NAV2: variants seen among roughly 807,000 people sequenced by gnomAD.
NAV2 encodes neuron navigator 2, also known as helicase, APC down-regulated 1.
Under a neutral mutation model 223.2 loss-of-function variants are expected in NAV2, and 54 were observed. The ratio of observed to expected loss-of-function variants is 0.24; its 90% CI spans 0.19 to 0.30. NAV2 has a LOEUF of 0.30. Among genes scored for constraint, NAV2 ranks in the 10% least tolerant of loss-of-function variants. The probability of loss-of-function intolerance (pLI) is 1.00; values close to 1 mark genes in which losing one functional copy is unlikely to be tolerated. For synonymous variants in NAV2, 1,279 were observed against 1,239.3 expected (o/e 1.03, Z -0.67); for missense variants, 2,806 against 3,147.5 (o/e 0.89, Z 2.60).
intron 1 of NAV2, among the ~76,000 whole-genome samples, chr11:19,794,196 G>A (rs775423147): frequency 6.6e-6 from 1 of 152,178 alleles, no homozygotes; most frequent in Non-Finnish European, 1.5e-5. Context: ...CAAATGACTT[G>A]AGCAGGGTCC....
At chr11:19,594,365 G>A (rs763174281) in intron 1 of NAV2, among the ~76,000 whole-genome samples, 28 of 151,606 alleles carry the variant, frequency 1.8e-4, no homozygotes, top group Non-Finnish European at 2.9e-4. Flanking sequence ...CTTTTCAACC[G>A]CATCCTACCT....
intron 1 of NAV2, among the ~76,000 whole-genome samples, chr11:19,492,268 C>T (rs1298987174): frequency 6.6e-6 from 1 of 151,846 alleles, no homozygotes; most frequent in African/African-American, 2.4e-5. Context: ...TTGCCACAAC[C>T]TTTCAATTTG....
At chr11:19,487,928 C>A (rs1407875319) in intron 1 of NAV2, among the ~76,000 whole-genome samples, 1 of 152,160 alleles carries the variant, frequency 6.6e-6, no homozygotes, top group Non-Finnish European at 1.5e-5. Context: ...GTTGTTGCTC[C>A]AAGCCACAAA....
At chr11:19,812,874 A>G (rs1467295874) in intron 1 of NAV2, among the ~76,000 whole-genome samples, 3 of 152,222 alleles carry the variant, frequency 2.0e-5, no homozygotes, top group African/African-American at 7.2e-5. Flanking sequence ...AATTCAGTCC[A>G]GCAAGCAACT....
chr11:19,825,840 A>G (rs2152872756), intron 1 of NAV2, among the ~76,000 whole-genome samples: 1 of 152,378 alleles, frequency 6.6e-6, no homozygotes, highest in East Asian at 1.9e-4. Context: ...ATGTGGAGTT[A>G]TAAGCAAACA....
chr11:20,093,252 C>T (rs902317769), intron 29 of NAV2, 53 bp downstream of exon 29: 20 of 1,193,788 alleles, frequency 1.7e-5, no homozygotes, highest in South Asian at 1.1e-4. Context: ...GGTAGAACTA[C>T]CTAGCTTAGT....
Position 19,621,395 on chromosome 11 carries a change from T to C in NAV2, c.76-211089T>C, listed in dbSNP as rs539597764. Among the ~76,000 whole-genome samples, 5 of 152,314 alleles carry C rather than the reference T, an allele frequency of 3.3e-5. No homozygotes were observed. In the South Asian group the frequency reaches 1.0e-3, roughly 32 times the overall value. Reference sequence around the variant, plus strand: ...GAATCCGTCTGGTCCTGGACTTTTTTTGGTTGGCAAGCTAGTAATTATTGC... The same window carrying C: ...GAATCCGTCTGGTCCTGGACTTTTTCTGGTTGGCAAGCTAGTAATTATTGC... On this transcript the variant is annotated intron_variant, in intron 1 of 37. Coordinates refer to the NAV2 transcript ENST00000360655.
At chr11:19,972,852 A>AT (rs1303213115) in intron 10 of NAV2, among the ~76,000 whole-genome samples, 1 of 152,186 alleles carries the variant, frequency 6.6e-6, no homozygotes, top group Non-Finnish European at 1.5e-5. Flanking sequence ...GCCTCTCAGT[A>AT]GGTACTACAT....
chr11:20,067,858 T>C (rs1724418908), intron 20 of NAV2, among the ~76,000 whole-genome samples: 1 of 152,078 alleles, frequency 6.6e-6, no homozygotes, highest in African/African-American at 2.4e-5. Flanking sequence ...GTTTACTAAA[T>C]CTGACTCATG....
intron 1 of NAV2, among the ~76,000 whole-genome samples, chr11:19,536,461 T>C (rs920987978): frequency 2.0e-5 from 3 of 152,164 alleles, no homozygotes; most frequent in Non-Finnish European, 4.4e-5. Flanking sequence ...CTGAAGTACA[T>C]GTTAAAAATG....
chr11:19,517,417 C>A (rs993202016), intron 1 of NAV2, among the ~76,000 whole-genome samples: 1 of 152,174 alleles, frequency 6.6e-6, no homozygotes, highest in Non-Finnish European at 1.5e-5. Flanking sequence ...ATAATGACAC[C>A]TCCTTGCAGA....
At chr11:19,454,701 C>T (rs550548995) in intron 1 of NAV2, among the ~76,000 whole-genome samples, 83 of 152,206 alleles carry the variant, frequency 5.5e-4, no homozygotes, top group African/African-American at 1.9e-3. Context: ...AGACTGTAAC[C>T]GTGAATTAAT....
At chr11:20,042,316 C>T (rs1426833187) in intron 12 of NAV2, among the ~76,000 whole-genome samples, 4 of 152,140 alleles carry the variant, frequency 2.6e-5, no homozygotes, top group Non-Finnish European at 4.4e-5. Flanking sequence ...GCCTGAAAAG[C>T]GTGTGTTCCT....
intron 1 of NAV2, among the ~76,000 whole-genome samples, chr11:19,667,081 C>T (rs1240980064): frequency 2.0e-5 from 3 of 152,124 alleles, no homozygotes; most frequent in African/African-American, 4.8e-5. Context: ...TGTATGTTCC[C>T]ATTGTCAGTC....
intron 1 of NAV2, among the ~76,000 whole-genome samples, chr11:19,724,321 AT>A (rs940604553): frequency 5.3e-5 from 8 of 152,134 alleles, no homozygotes; most frequent in Non-Finnish European, 7.4e-5. Flanking sequence ...TATGCTATAT[AT>A]TTTTTCCCCT....
intron 31 of NAV2, 78 bp downstream of exon 31, chr11:20,097,823 G>T: frequency 7.4e-7 from 1 of 1,354,226 alleles, no homozygotes; most frequent in Middle Eastern, 1.9e-4. Context: ...GGCACTTGTG[G>T]CCCCAGTTTT....
intron 1 of NAV2, among the ~76,000 whole-genome samples, chr11:19,549,703 G>C (rs1378804779): frequency 6.6e-6 from 1 of 152,246 alleles, no homozygotes; most frequent in South Asian, 2.1e-4. Flanking sequence ...GTGTGCTGCA[G>C]GGCAGCTCAC....
At chr11:19,914,584 C>CCGGACTG (rs1230784029) in intron 6 of NAV2, among the ~76,000 whole-genome samples, 4 of 150,594 alleles carry the variant, frequency 2.7e-5, no homozygotes, top group Non-Finnish European at 5.9e-5. Context: ...GTCGCCCAGG[C>CCGGACTG]CGGACTGCGG....
chr11:20,115,361 G>A (rs1471581927), intron 37 of NAV2, among the ~76,000 whole-genome samples: 1 of 152,086 alleles, frequency 6.6e-6, no homozygotes, highest in Non-Finnish European at 1.5e-5. Flanking sequence ...CACCCAGGCT[G>A]GGGTGGCTCA....
Sources: allele counts gnomAD v4.1 joint callset (sites outside exome capture counted in the v4.1 genomes callset), GRCh38; gene constraint gnomAD v4.1.1; transcripts MANE v1.5; gene names NCBI Gene and HGNC (gene_info 2026-07-23, HGNC 2026-07-21).